The following MTFR1 variants were observed in gnomAD, a reference collection of about 807,000 sequenced individuals.
MTFR1 encodes the protein chondrocyte protein with a poly-proline region.
A neutral mutation model predicts 38.8 loss-of-function variants in MTFR1; 28 were observed. The ratio of observed to expected loss-of-function variants is 0.72; its 90% CI spans 0.53 to 0.99. MTFR1 has a LOEUF of 0.99. Among genes scored for constraint, MTFR1 ranks in the 50% least tolerant of loss-of-function variants. The probability of loss-of-function intolerance (pLI) is 0.00; values close to 1 mark genes in which losing one functional copy is unlikely to be tolerated. For missense variants in MTFR1, 358 were observed against 395.5 expected (o/e 0.91, Z 0.81); for synonymous variants, 145 against 137.0 (o/e 1.06, Z -0.41).
intron 4 of MTFR1, among the ~76,000 whole-genome samples, chr8:65,702,434 GTATTA>G (rs1267939557): frequency 1.3e-5 from 2 of 151,542 alleles, no homozygotes; most frequent in African/African-American, 4.8e-5. Flanking sequence ...CAAGTAGCTG[GTATTA>G]CAGGCACCCG....
At chr8:65,741,451 C>A (rs1807432711) in intron 3 of MTFR1, among the ~76,000 whole-genome samples, 1 of 152,110 alleles carries the variant, frequency 6.6e-6, no homozygotes. Context: ...CAACAAAAGA[C>A]CACAGCTGAT....
intron 1 of MTFR1, among the ~76,000 whole-genome samples, chr8:65,646,834 C>T (rs953016373): frequency 1.3e-5 from 2 of 152,174 alleles, no homozygotes; most frequent in African/African-American, 4.8e-5. Context: ...TCATCTATAT[C>T]CTTCATCCTC....
intron 3 of MTFR1, among the ~76,000 whole-genome samples, chr8:65,689,039 G>A (rs1490801209): frequency 1.3e-5 from 2 of 152,082 alleles, no homozygotes; most frequent in Non-Finnish European, 1.5e-5. Flanking sequence ...CAGCTACTCA[G>A]GAGGCTGAGG....
intron 5 of MTFR1, among the ~76,000 whole-genome samples, chr8:65,706,505 T>G (rs1805785327): frequency 6.6e-6 from 1 of 152,200 alleles, no homozygotes; most frequent in Non-Finnish European, 1.5e-5. Context: ...ACTACCTGCC[T>G]TGGCCTCCTA....
At chr8:65,774,793 CAAAG>C (rs1260837150), downstream of MTFR1, among the ~76,000 whole-genome samples, 1 of 151,620 alleles carries the variant, frequency 6.6e-6, no homozygotes, top group African/African-American at 2.4e-5. Flanking sequence ...TTTTCCAAAA[CAAAG>C]AAAAATTTAA....
intron 4 of MTFR1, among the ~76,000 whole-genome samples, chr8:65,697,607 GTGAC>G (rs980887973): frequency 1.4e-4 from 22 of 152,300 alleles, no homozygotes; most frequent in African/African-American, 4.8e-4. Flanking sequence ...AGGTTTTTGA[GTGAC>G]TGACTATAAG....
intron 3 of MTFR1, among the ~76,000 whole-genome samples, chr8:65,730,725 C>T (rs187326193): frequency 3.3e-5 from 5 of 151,998 alleles, no homozygotes; most frequent in South Asian, 2.1e-4. Flanking sequence ...GTCAGGAGTT[C>T]GAGACTAGCC....
At chr8:65,661,589 A>G (rs1809415729) in intron 1 of MTFR1, among the ~76,000 whole-genome samples, 1 of 152,152 alleles carries the variant, frequency 6.6e-6, no homozygotes, top group South Asian at 2.1e-4. Flanking sequence ...AGATCCTGGC[A>G]CTGCACTTCA....
intron 3 of MTFR1, among the ~76,000 whole-genome samples, chr8:65,758,989 T>C (rs1808365407): frequency 6.6e-6 from 1 of 152,132 alleles, no homozygotes; most frequent in Non-Finnish European, 1.5e-5. Flanking sequence ...TTACCGTCAT[T>C]ATGTGTCTGA....
chr8:65,677,720 T>G (rs1016708614), intron 2 of MTFR1, among the ~76,000 whole-genome samples: 2 of 151,530 alleles, frequency 1.3e-5, no homozygotes, highest in Admixed American at 6.6e-5. Flanking sequence ...ATTTTCTAAA[T>G]GAAATTGGAT....
At chr8:65,670,855 C>T (rs1490234834) in intron 2 of MTFR1, among the ~76,000 whole-genome samples, 1 of 152,082 alleles carries the variant, frequency 6.6e-6, no homozygotes, top group East Asian at 1.9e-4. Context: ...CAGGCTCACA[C>T]CACCACGGCC....
intron 3 of MTFR1, among the ~76,000 whole-genome samples, chr8:65,684,730 T>G (rs1344773604): frequency 6.6e-6 from 1 of 151,778 alleles, no homozygotes; most frequent in Non-Finnish European, 1.5e-5. Flanking sequence ...AAGTGTTTTG[T>G]CTTGTGGCCA....
rs1268333417 is a variant in MTFR1, at chr8:65,738,835, A to G, written c.*48+19354A>G. Among the ~76,000 whole-genome samples the G allele has an allele frequency of 3.3e-5, 5 of 152,372 alleles. No homozygotes were observed. The East Asian group carries it at 9.6e-4, about 29-fold the overall frequency. On this transcript the variant is annotated intron_variant, in intron 3 of 3. Transcript: ENST00000521247. ...CTCTTTTAAAGTTTTAGCCTTCAAA[A>G]ATTTAGAAAAGTACAGAAATTGTGT...
chr8:65,736,726 G>A (rs930586400), intron 3 of MTFR1, among the ~76,000 whole-genome samples: 4 of 151,136 alleles, frequency 2.6e-5, no homozygotes, highest in Middle Eastern at 3.2e-3. Flanking sequence ...CTCAAGCCTA[G>A]GTGACAGAGC....
At chr8:65,715,166 AAG>A (rs1191745271), downstream of MTFR1, among the ~76,000 whole-genome samples, 6 of 152,152 alleles carry the variant, frequency 3.9e-5, no homozygotes, top group African/African-American at 1.4e-4. Flanking sequence ...CTTTTTAAAA[AAG>A]TAATCTTTTA....
intron 7 of MTFR1, among the ~76,000 whole-genome samples, chr8:65,708,614 C>T (rs1805854365): frequency 6.6e-6 from 1 of 152,120 alleles, no homozygotes; most frequent in Non-Finnish European, 1.5e-5. Context: ...TAATCTATTC[C>T]AGAGAGGCAG....
At chr8:65,758,465 T>A (rs1448382211) in intron 3 of MTFR1, among the ~76,000 whole-genome samples, 24 of 152,258 alleles carry the variant, frequency 1.6e-4, no homozygotes, top group Admixed American at 1.6e-3. Context: ...GAATTTATAG[T>A]CATATCAGCA....
intron 4 of MTFR1, among the ~76,000 whole-genome samples, chr8:65,697,811 T>C (rs1479708591): frequency 6.6e-6 from 1 of 152,222 alleles, no homozygotes; most frequent in Non-Finnish European, 1.5e-5. Context: ...TTTTATGCCA[T>C]ATGTGTATTC....
At chr8:65,734,472 A>C (rs1331912623) in intron 3 of MTFR1, among the ~76,000 whole-genome samples, 2 of 152,160 alleles carry the variant, frequency 1.3e-5, no homozygotes, top group African/African-American at 4.8e-5. Flanking sequence ...GTAGCTCCTC[A>C]TTCATTCACT....
Sources: gnomAD v4.1 joint callset for allele counts (sites outside exome capture counted in the v4.1 genomes callset) on GRCh38, gnomAD v4.1.1 for gene constraint, MANE v1.5 for transcripts, NCBI Gene and HGNC (gene_info 2026-07-23, HGNC 2026-07-21) for gene names.